The following ANTXR2 variants were observed in gnomAD, a reference collection of about 807,000 sequenced individuals.
The protein encoded by ANTXR2 is ANTXR cell adhesion molecule 2.
Under a neutral mutation model 73.7 loss-of-function variants are expected in ANTXR2, and 44 were observed. The ratio of observed to expected loss-of-function variants is 0.60; its 90% CI spans 0.47 to 0.77. ANTXR2 has a LOEUF of 0.77. Ranked by LOEUF, ANTXR2 falls within the 30% of genes least tolerant of loss-of-function variation. ANTXR2 has a pLI of 0.00. For synonymous variants in ANTXR2, 217 were observed against 205.9 expected, an observed-to-expected ratio of 1.05 and a Z score of -0.46; for missense variants, 604 against 592.5, an observed-to-expected ratio of 1.02 and a Z score of -0.20.
intron 16 of ANTXR2, among the ~76,000 whole-genome samples, chr4:79,927,419 T>G (rs1329666815): frequency 6.6e-6 from 1 of 152,112 alleles, no homozygotes; most frequent in African/African-American, 2.4e-5. Context: ...CACAAGGGAT[T>G]GGTTCCAAGA....
At chr4:79,923,396 A>G (rs530775305) in intron 16 of ANTXR2, among the ~76,000 whole-genome samples, 5 of 152,246 alleles carry the variant, frequency 3.3e-5, no homozygotes, top group East Asian at 3.9e-4. Flanking sequence ...TGAATATTCA[A>G]GTAGGCCTAG....
chr4:79,916,809 T>G (rs745507650), intron 16 of ANTXR2, among the ~76,000 whole-genome samples: 6 of 152,078 alleles, frequency 3.9e-5, no homozygotes, highest in Non-Finnish European at 8.8e-5. Flanking sequence ...AAGGAGCATA[T>G]AGTATACACA....
chr4:79,976,508 T>A (rs1729644099), intron 16 of ANTXR2, among the ~76,000 whole-genome samples: 1 of 151,240 alleles, frequency 6.6e-6, no homozygotes, highest in African/African-American at 2.5e-5. Flanking sequence ...AATGACCCGA[T>A]GACCCGGAAG....
intron 16 of ANTXR2, among the ~76,000 whole-genome samples, chr4:79,926,402 A>C (rs1043192347): frequency 1.3e-5 from 2 of 152,126 alleles, no homozygotes; most frequent in African/African-American, 4.8e-5. Flanking sequence ...CTACAGATCA[A>C]AGTTTCCATC....
At chr4:79,963,579 T>C (rs1473562761) in intron 16 of ANTXR2, among the ~76,000 whole-genome samples, 1 of 152,202 alleles carries the variant, frequency 6.6e-6, no homozygotes, top group African/African-American at 2.4e-5. Context: ...ATCTGCCCTT[T>C]GGCCATTGCT....
At chr4:80,009,941 G>T (rs1013285182) in intron 11 of ANTXR2, among the ~76,000 whole-genome samples, 2 of 151,168 alleles carry the variant, frequency 1.3e-5, no homozygotes, top group African/African-American at 2.4e-5. Flanking sequence ...ATACAAAGAA[G>T]AATGTTTACT....
intron 12 of ANTXR2, among the ~76,000 whole-genome samples, chr4:79,999,339 T>C (rs1730902585): frequency 6.6e-6 from 1 of 151,988 alleles, no homozygotes; most frequent in African/African-American, 2.4e-5. Flanking sequence ...TTTCCCCTCC[T>C]CTTACTAGGC....
rs1214551613 is a variant in ANTXR2, at chr4:79,902,773, C to CACTACAG, written c.*4649_*4655dup. 6.6e-6 allele frequency: 1 copy of CACTACAG among 150,860 alleles called. No individual in the cohort carries two copies. The highest frequency in any genetic ancestry group is 1.5e-5 in the Non-Finnish European group (1 of 67,856). The allele number at this position is 150,860 out of a possible 1,614,324, so 9.3% of individuals were successfully genotyped here. On this transcript the variant is annotated 3_prime_UTR_variant, in exon 17 of 17. Transcript: ENST00000403729. The stretch of plus-strand genomic sequence containing the variant: ...AGTTTACAGAACTAATATTACCACA[C>CACTACAG]ACTACAGACAAAGAAGCCAGTCATA...
In ANTXR2 at chr4:79,902,291, C is replaced by T. The variant is rs1321545073; in HGVS notation, c.*5138G>A. 1 of 152,118 alleles carries T rather than the reference C, an allele frequency of 6.6e-6. No homozygotes were observed. 9.4% of individuals were successfully genotyped at this position (152,118 alleles called of 1,614,324 possible). On this transcript the variant is annotated 3_prime_UTR_variant, in exon 17 of 17. Coordinates refer to ENST00000403729, the MANE Select transcript of ANTXR2 (RefSeq NM_058172.6). ...AAGACAATGCAAACTTTGTGAAAGG[C>T]TAGCAATTGTAACATACTATGGATT...
intron 10 of ANTXR2, among the ~76,000 whole-genome samples, chr4:80,029,657 T>C (rs1335177369): frequency 6.6e-6 from 1 of 151,666 alleles, no homozygotes; most frequent in African/African-American, 2.4e-5. Flanking sequence ...ATGAAAAAGG[T>C]ATACAGGTTA....
intron 12 of ANTXR2, among the ~76,000 whole-genome samples, chr4:79,997,473 A>G (rs1163820285): frequency 6.6e-6 from 1 of 151,936 alleles, no homozygotes; most frequent in African/African-American, 2.4e-5. Context: ...TTTTGATAAG[A>G]TCAGAGAGGA....
chr4:80,026,964 A>C (rs1300293310), intron 10 of ANTXR2, among the ~76,000 whole-genome samples: 1 of 152,124 alleles, frequency 6.6e-6, no homozygotes, highest in East Asian at 1.9e-4. Context: ...GATAGATATA[A>C]TTTGAAAACA....
At chr4:80,058,241 T>C (rs921532477) in intron 3 of ANTXR2, among the ~76,000 whole-genome samples, 2 of 151,342 alleles carry the variant, frequency 1.3e-5, no homozygotes, top group African/African-American at 4.9e-5. Flanking sequence ...GGATTCAAGG[T>C]TTTTTTTTGT....
intron 16 of ANTXR2, among the ~76,000 whole-genome samples, chr4:79,945,732 C>A (rs1459744704): frequency 1.3e-5 from 2 of 152,056 alleles, no homozygotes; most frequent in Non-Finnish European, 2.9e-5. Context: ...GATGAAGGAG[C>A]CCCACAGAGT....
intron 14 of ANTXR2, 47 bp downstream of exon 14, chr4:79,983,831 A>G: frequency 7.1e-7 from 1 of 1,410,088 alleles, no homozygotes; most frequent in South Asian, 1.2e-5. Context: ...AGCCCTAGAA[A>G]TACATACTCC....
chr4:80,007,952 A>G (rs907296747), intron 12 of ANTXR2, among the ~76,000 whole-genome samples: 3 of 152,216 alleles, frequency 2.0e-5, no homozygotes, highest in Non-Finnish European at 4.4e-5. Context: ...TAGATAACTG[A>G]TATACACCCA....
intron 11 of ANTXR2, among the ~76,000 whole-genome samples, chr4:80,012,868 A>C (rs1731660500): frequency 6.6e-6 from 1 of 152,226 alleles, no homozygotes; most frequent in Non-Finnish European, 1.5e-5. Context: ...ATAAAAGTGC[A>C]CTGAATGTTG....
At chr4:80,046,745 TA>T (rs1264811471) in intron 7 of ANTXR2, among the ~76,000 whole-genome samples, 1 of 151,798 alleles carries the variant, frequency 6.6e-6, no homozygotes, top group Non-Finnish European at 1.5e-5. Context: ...ATACACATCC[TA>T]AAAATTGTAA....
intron 12 of ANTXR2, among the ~76,000 whole-genome samples, chr4:79,989,840 A>G (rs1298606617): frequency 6.6e-6 from 1 of 152,160 alleles, no homozygotes; most frequent in Non-Finnish European, 1.5e-5. Context: ...ATGTAAATCA[A>G]TAAATGTGAT....
Sources: gnomAD v4.1 joint callset for allele counts (sites outside exome capture counted in the v4.1 genomes callset) on GRCh38, gnomAD v4.1.1 for gene constraint, MANE v1.5 for transcripts, NCBI Gene and HGNC (gene_info 2026-07-23, HGNC 2026-07-21) for gene names.